TLL1: variants seen among roughly 807,000 people sequenced by gnomAD.
TLL1 encodes the protein tolloid like 1, also known as tolloid-like protein 1.
In TLL1, 49 loss-of-function variants were observed where a neutral mutation model predicts 128.2. That is an observed-to-expected ratio of 0.38 (90% CI 0.30 to 0.48). The LOEUF (loss-of-function observed/expected upper bound fraction) is 0.48, where lower values mean the gene tolerates loss of function less well. TLL1 is among the 20% of genes least tolerant of loss of function. TLL1 has a pLI of 0.96. For missense variants in TLL1, 1,123 were observed against 1,242.0 expected (o/e 0.90, Z 1.44); for synonymous variants, 454 against 418.8 (o/e 1.08, Z -1.03).
chr4:165,877,457 C>G (rs547638503), intron 1 of TLL1, among the ~76,000 whole-genome samples: 4 of 152,236 alleles, frequency 2.6e-5, no homozygotes, highest in Non-Finnish European at 5.9e-5. Flanking sequence ...TTCTCTTACT[C>G]TCTAGGTCAG....
In TLL1 at chr4:166,052,911, AGAGAACCCTGATTTTGAAGGGAT is replaced by A. The variant is rs1285860158; in HGVS notation, c.1525-2164_1525-2142del. ...CATCTGGAAATGTTCTCATATTTAT[AGAGAACCCTGATTTTGAAGGGAT>A]TAAATTAAAGACTGAGATAAGAGGT... On this transcript the variant is annotated intron_variant, in intron 12 of 20. Transcript: ENST00000061240. 1.5e-3 allele frequency among the ~76,000 whole-genome samples: 220 copies of A among 145,960 alleles called. 2 individuals carry two copies. Among genetic ancestry groups the A allele is most frequent in the African/African-American group, 5.4e-3 (212 of 39,124 alleles).
intron 2 of TLL1, among the ~76,000 whole-genome samples, chr4:165,992,567 T>G (rs1193097728): frequency 6.6e-6 from 1 of 152,048 alleles, no homozygotes; most frequent in Non-Finnish European, 1.5e-5. Flanking sequence ...TGTCATGATG[T>G]CCAAATAAAG....
Position 166,100,975 on chromosome 4 carries a change from G to C in TLL1, c.*99G>C. On this transcript the variant is annotated 3_prime_UTR_variant, in exon 21 of 21. Transcript: ENST00000061240. ...TATTGGCACAAATGTTTTATACAAA[G>C]AGTTTGAACAAAAAATCCCTGTAAG... 1 of 1,474,740 alleles carries C rather than the reference G, an allele frequency of 6.8e-7. No individual in the cohort carries two copies. 91.4% of individuals were successfully genotyped at this position (1,474,740 alleles called of 1,614,324 possible). A position where few individuals can be genotyped will look rare whatever the true frequency, so the allele number is the denominator to read the frequency against.
At chr4:165,941,369 A>G (rs1733998504) in intron 1 of TLL1, among the ~76,000 whole-genome samples, 1 of 152,116 alleles carries the variant, frequency 6.6e-6, no homozygotes, top group Non-Finnish European at 1.5e-5. Context: ...CATTTTAGGA[A>G]AGAGTCTAGA....
At position 165,998,298 on chromosome 4, in the gene TLL1, T is replaced by C. The variant is rs1325136114; in HGVS notation, c.632+3120T>C. ...TATTATGTAGCCTTTTATAGCTAAATAGATTCTATTTACATGACTTCTCTC... is the reference window on the plus strand; with the variant it reads ...TATTATGTAGCCTTTTATAGCTAAACAGATTCTATTTACATGACTTCTCTC... On this transcript the variant is annotated intron_variant, in intron 5 of 20. Coordinates refer to ENST00000061240, the MANE Select transcript of TLL1 (RefSeq NM_012464.5). 3.3e-5 allele frequency among the ~76,000 whole-genome samples: 5 copies of C among 152,168 alleles called. No individual in the cohort carries two copies. The East Asian group carries it at 9.6e-4, about 29-fold the overall frequency.
chr4:165,968,736 C>T (rs1735503344), intron 1 of TLL1, among the ~76,000 whole-genome samples: 2 of 151,962 alleles, frequency 1.3e-5, no homozygotes, highest in Non-Finnish European at 2.9e-5. Flanking sequence ...TGTTTTCTAC[C>T]AAAATGTCGT....
chr4:165,896,821 G>A (rs916379226), intron 1 of TLL1, among the ~76,000 whole-genome samples: 6 of 151,996 alleles, frequency 3.9e-5, no homozygotes, highest in South Asian at 2.1e-4. Context: ...TTGATGAATC[G>A]CCACACTGTC....
At chr4:165,993,063 G>A (rs1443807318) in intron 3 of TLL1, 179 bp downstream of exon 3, 17 of 573,702 alleles carry the variant, frequency 3.0e-5, no homozygotes, top group East Asian at 2.9e-5. Context: ...AACTCATTTG[G>A]AATAATTTGA....
intron 8 of TLL1, among the ~76,000 whole-genome samples, chr4:166,016,828 T>C (rs1439083615): frequency 6.6e-6 from 1 of 151,884 alleles, no homozygotes; most frequent in Non-Finnish European, 1.5e-5. Flanking sequence ...GATATATAAA[T>C]ATACATATAT....
chr4:165,951,357 T>C (rs1324363894), intron 1 of TLL1, among the ~76,000 whole-genome samples: 1 of 152,044 alleles, frequency 6.6e-6, no homozygotes, highest in Non-Finnish European at 1.5e-5. Flanking sequence ...CAGTCTGTGG[T>C]GTAGTGCTGA....
At chr4:165,893,787 A>C (rs1249276546) in intron 1 of TLL1, among the ~76,000 whole-genome samples, 1 of 152,230 alleles carries the variant, frequency 6.6e-6, no homozygotes, top group Non-Finnish European at 1.5e-5. Flanking sequence ...AGTTTGCCAC[A>C]GTTAATGAGG....
chr4:166,093,519 T>C (rs1485654495), intron 19 of TLL1, among the ~76,000 whole-genome samples: 1 of 152,128 alleles, frequency 6.6e-6, no homozygotes, highest in Admixed American at 6.5e-5. Flanking sequence ...ATTGAACAAA[T>C]GTACAATCGG....
chr4:166,089,999 C>T (rs1036336625), intron 18 of TLL1, among the ~76,000 whole-genome samples: 3 of 151,942 alleles, frequency 2.0e-5, no homozygotes, highest in African/African-American at 7.2e-5. Flanking sequence ...TGAGACAGAG[C>T]AATTTTTAGT....
intron 7 of TLL1, among the ~76,000 whole-genome samples, chr4:166,012,959 A>T (rs928675592): frequency 6.6e-6 from 1 of 151,752 alleles, no homozygotes; most frequent in Non-Finnish European, 1.5e-5. Context: ...TCCTCTGCTT[A>T]CCATTTTCCT....
At chr4:165,903,095 G>C (rs1016853290) in intron 1 of TLL1, among the ~76,000 whole-genome samples, 1 of 152,034 alleles carries the variant, frequency 6.6e-6, no homozygotes, top group Admixed American at 6.5e-5. Context: ...TCCCAGCACT[G>C]TGGGAGGCTG....
chr4:165,905,408 T>C (rs1732205074), intron 1 of TLL1, among the ~76,000 whole-genome samples: 1 of 152,354 alleles, frequency 6.6e-6, no homozygotes, highest in South Asian at 2.1e-4. Context: ...CAACTTATGT[T>C]GGATTTTAAT....
intron 9 of TLL1, among the ~76,000 whole-genome samples, chr4:166,026,661 T>C (rs1210530507): frequency 6.6e-6 from 1 of 151,592 alleles, no homozygotes; most frequent in Non-Finnish European, 1.5e-5. Context: ...CACTGCAGCC[T>C]GGACGATAAG....
intron 1 of TLL1, among the ~76,000 whole-genome samples, chr4:165,878,558 G>A (rs934566727): frequency 1.3e-5 from 2 of 152,002 alleles, no homozygotes; most frequent in Non-Finnish European, 2.9e-5. Context: ...ACTGTTGTTA[G>A]GTGTGAAAAA....
intron 1 of TLL1, among the ~76,000 whole-genome samples, chr4:165,979,213 T>A (rs1292207985): frequency 6.6e-6 from 1 of 152,162 alleles, no homozygotes; most frequent in African/African-American, 2.4e-5. Context: ...ACAAGTCTTG[T>A]GCAATACATG....
Sources: allele counts gnomAD v4.1 joint callset (sites outside exome capture counted in the v4.1 genomes callset), GRCh38; gene constraint gnomAD v4.1.1; transcripts MANE v1.5; gene names NCBI Gene and HGNC (gene_info 2026-07-23, HGNC 2026-07-21).